Variants in STK33 observed in about 807,000 individuals in gnomAD.
STK33 encodes the protein serine/threonine-protein kinase 33.
A neutral mutation model predicts 58.0 loss-of-function variants in STK33; 52 were observed. The observed-to-expected ratio is 0.90, with a 90% CI of 0.72 to 1.13. STK33 has a LOEUF of 1.13. Ranked by LOEUF, STK33 falls within the 50% of genes most tolerant of loss-of-function variation. The pLI is 0.00. For synonymous variants in STK33, 215 were observed against 200.1 expected, an observed-to-expected ratio of 1.07 and a Z score of -0.63; for missense variants, 630 against 604.2, an observed-to-expected ratio of 1.04 and a Z score of -0.45.
Position 8,474,890 on chromosome 11 carries a change from A to C in STK33, c.16T>G (p.Leu6Val). Residue 6 changes from leucine to valine, a missense_variant, in exon 5 of 16, where the codon TTA (leucine) becomes GTA (valine). Physicochemically the swap from Leu to Val is conservative, Grantham distance 32. Transcript: ENST00000687296. The part of the protein sequence containing the change: MADSG[L>V]DKKSTKCPDC... ...GGGCATTTTGTGGATTTTTTATCTA[A>C]GCCACTATCAGCCATTTGTTTAACT... 1 of 1,583,344 alleles carries C rather than the reference A, an allele frequency of 6.3e-7. No homozygotes were observed. Among genetic ancestry groups the C allele is most frequent in the Non-Finnish European group, 8.6e-7 (1 of 1,166,828 alleles).
chr11:8,421,273 T>C (rs1036798957), intron 14 of STK33, among the ~76,000 whole-genome samples: 8 of 152,276 alleles, frequency 5.3e-5, no homozygotes, highest in Admixed American at 5.2e-4. Context: ...AACATTTTGG[T>C]TTTTACTATA....
intron 9 of STK33, among the ~76,000 whole-genome samples, chr11:8,455,432 A>C (rs1946728696): frequency 6.6e-6 from 1 of 152,228 alleles, no homozygotes; most frequent in Non-Finnish European, 1.5e-5. Flanking sequence ...TTTTATGTAC[A>C]TACAAATAAC....
At chr11:8,542,212 A>G (rs1955574879) in intron 1 of STK33, among the ~76,000 whole-genome samples, 1 of 152,228 alleles carries the variant, frequency 6.6e-6, no homozygotes, top group South Asian at 2.1e-4. Context: ...GTTTTAAAAT[A>G]TAAGGGTTTT....
chr11:8,562,675 T>C (rs1756843794), intron 1 of STK33, among the ~76,000 whole-genome samples: 1 of 152,152 alleles, frequency 6.6e-6, no homozygotes. Context: ...TGATAAGGAA[T>C]ATGGTTAGTA....
Position 8,478,868 on chromosome 11 carries a change from C to T in STK33, c.-261+1542G>A, listed in dbSNP as rs117965399. On this transcript the variant is annotated intron_variant, in intron 2 of 15. Coordinates refer to ENST00000687296, the MANE Select transcript of STK33 (RefSeq NM_001352389.2). ...CCAGTGAGTTTTCTAGATGATATTG[C>T]TATATTTTAAGGAAGACTAGCACTT... 1.1e-3 allele frequency among the ~76,000 whole-genome samples: 162 copies of T among 152,096 alleles called. 2 individuals carry two copies. The East Asian group carries it at 0.029, about 27-fold the overall frequency.
At chr11:8,533,928 A>G (rs932554790) in intron 1 of STK33, among the ~76,000 whole-genome samples, 1 of 152,192 alleles carries the variant, frequency 6.6e-6, no homozygotes, top group African/African-American at 2.4e-5. Flanking sequence ...GTAACTTCAA[A>G]TTGTATCTAG....
At chr11:8,505,910 T>G (rs558752762) in intron 1 of STK33, among the ~76,000 whole-genome samples, 139 of 152,326 alleles carry the variant, frequency 9.1e-4, no homozygotes, top group African/African-American at 3.2e-3. Flanking sequence ...TTAAGCTCTG[T>G]TAGCCTTCGT....
At chr11:8,557,359 TGGAA>T (rs147551157) in intron 1 of STK33, among the ~76,000 whole-genome samples, 16,009 of 115,316 alleles carry the variant, frequency 0.14, 1,378 homozygotes, top group African/African-American at 0.26. Flanking sequence ...GAAAGAAGGA[TGGAA>T]GGAAGGAAGG....
chr11:8,561,493 T>C (rs1316787629), intron 1 of STK33, among the ~76,000 whole-genome samples: 2 of 152,182 alleles, frequency 1.3e-5, no homozygotes, highest in Non-Finnish European at 2.9e-5. Flanking sequence ...GTAACTTTAC[T>C]GTTACATACT....
intron 7 of STK33, among the ~76,000 whole-genome samples, chr11:8,462,675 C>T (rs1029787240): frequency 2.6e-5 from 4 of 151,852 alleles, no homozygotes; most frequent in African/African-American, 9.7e-5. Context: ...TGTCTCCTAA[C>T]ATTTAACACT....
chr11:8,431,985 C>T (rs987113858), intron 14 of STK33, among the ~76,000 whole-genome samples: 4 of 152,118 alleles, frequency 2.6e-5, no homozygotes, highest in African/African-American at 9.7e-5. Context: ...TGCGTTAAAT[C>T]TTATACATAG....
intron 15 of STK33, among the ~76,000 whole-genome samples, chr11:8,395,226 G>C (rs1442236527): frequency 6.6e-6 from 1 of 152,196 alleles, no homozygotes; most frequent in Admixed American, 6.5e-5. Flanking sequence ...TTGTGGGAGG[G>C]ACCCAGTGGG....
the STK33 span, among the ~76,000 whole-genome samples, chr11:8,340,282 A>T: frequency 6.6e-6 from 1 of 152,144 alleles, no homozygotes; most frequent in East Asian, 1.9e-4. Flanking sequence ...ATGCCCCCAA[A>T]TCCAGGCTTG....
At chr11:8,375,319 T>C in the STK33 span, among the ~76,000 whole-genome samples, 10 of 152,234 alleles carry the variant, frequency 6.6e-5, no homozygotes, top group Non-Finnish European at 1.2e-4. Flanking sequence ...CAGGCATCCA[T>C]ATGGGTTGAA....
chr11:8,534,574 G>C (rs5012851), intron 1 of STK33, among the ~76,000 whole-genome samples: 7 of 115,416 alleles, frequency 6.1e-5, no homozygotes, highest in Non-Finnish European at 1.1e-4. Flanking sequence ...CTCTCTGTGT[G>C]TGTGTGTGTG....
At chr11:8,366,411 G>A in the STK33 span, among the ~76,000 whole-genome samples, 37 of 152,356 alleles carry the variant, frequency 2.4e-4, no homozygotes, top group Non-Finnish European at 4.0e-4. Context: ...CACAGGAGAC[G>A]GTTAGAGCCG....
chr11:8,342,369 C>T, the STK33 span, among the ~76,000 whole-genome samples: 101 of 152,268 alleles, frequency 6.6e-4, no homozygotes, highest in African/African-American at 2.4e-3. Flanking sequence ...CTCATTTAGT[C>T]GGAGTCTGGG....
At chr11:8,543,422 A>G (rs989817887) in intron 1 of STK33, among the ~76,000 whole-genome samples, 6 of 152,234 alleles carry the variant, frequency 3.9e-5, no homozygotes, top group African/African-American at 1.4e-4. Context: ...GAAAATACTC[A>G]TTGTGGTTCT....
At chr11:8,423,807 C>T (rs1273320035) in intron 14 of STK33, among the ~76,000 whole-genome samples, 3 of 152,006 alleles carry the variant, frequency 2.0e-5, no homozygotes, top group East Asian at 3.9e-4. Flanking sequence ...TTACAATCTC[C>T]TACTATAATG....
Sources: allele counts gnomAD v4.1 joint callset (sites outside exome capture counted in the v4.1 genomes callset), GRCh38; gene constraint gnomAD v4.1.1; transcripts MANE v1.5; gene names NCBI Gene and HGNC (gene_info 2026-07-23, HGNC 2026-07-21).